The following TUSC3 variants were observed in gnomAD, a reference collection of about 807,000 sequenced individuals.
The protein encoded by TUSC3 is dolichyl-diphosphooligosaccharide--protein glycosyltransferase subunit TUSC3.
Under a neutral mutation model 44.8 loss-of-function variants are expected in TUSC3, and 45 were observed. The observed-to-expected ratio is 1.00, with a 90% CI of 0.79 to 1.29. The LOEUF (loss-of-function observed/expected upper bound fraction) is 1.29, where lower values mean the gene tolerates loss of function less well. Ranked by LOEUF, TUSC3 falls within the 50% of genes most tolerant of loss-of-function variation. TUSC3 has a pLI of 0.00. For synonymous variants in TUSC3, 212 were observed against 152.9 expected, an observed-to-expected ratio of 1.39 and a Z score of -2.85; for missense variants, 519 against 437.9, an observed-to-expected ratio of 1.19 and a Z score of -1.65.
At chr8:15,703,542 T>C (rs1809491855) in intron 6 of TUSC3, among the ~76,000 whole-genome samples, 1 of 152,134 alleles carries the variant, frequency 6.6e-6, no homozygotes, top group South Asian at 2.1e-4. Context: ...AGGTGATTTA[T>C]AAAGAAAAGA....
At chr8:15,810,494 T>C in the TUSC3 span, among the ~76,000 whole-genome samples, 18 of 151,842 alleles carry the variant, frequency 1.2e-4, 1 homozygote, top group African/African-American at 4.1e-4. Flanking sequence ...AAAACTTAGC[T>C]GGGTGTGGTG....
intron 2 of TUSC3, among the ~76,000 whole-genome samples, chr8:15,485,632 C>G (rs1057379705): frequency 1.3e-5 from 2 of 152,044 alleles, no homozygotes; most frequent in East Asian, 3.9e-4. Flanking sequence ...TCTTCTATCT[C>G]TACTCCAAAA....
chr8:15,650,932 G>C, intron 3 of TUSC3, 118 bp downstream of exon 3: 1 of 1,027,734 alleles, frequency 9.7e-7, no homozygotes, highest in Non-Finnish European at 1.5e-6. Context: ...GGAGGTTGCA[G>C]TGAGCCGAGA....
intron 1 of TUSC3, among the ~76,000 whole-genome samples, chr8:15,453,954 A>G (rs1413269421): frequency 6.6e-6 from 1 of 152,202 alleles, no homozygotes; most frequent in Admixed American, 6.5e-5. Flanking sequence ...GGGCTCAAGC[A>G]TGTACACTAA....
At chr8:15,736,823 A>C (rs1021370718) in intron 7 of TUSC3, among the ~76,000 whole-genome samples, 3 of 152,160 alleles carry the variant, frequency 2.0e-5, no homozygotes, top group African/African-American at 7.2e-5. Context: ...CGTAGACAGT[A>C]ATGTTCCCAC....
At chr8:15,627,433 C>G (rs898607242) in intron 2 of TUSC3, among the ~76,000 whole-genome samples, 6 of 152,232 alleles carry the variant, frequency 3.9e-5, no homozygotes, top group African/African-American at 1.4e-4. Context: ...TTGTGTGCTT[C>G]TTTCTTCCTG....
chr8:15,459,875 T>TATACATAC lies in TUSC3; in HGVS notation n.92-23489_92-23482dup, dbSNP rs139425502. On this transcript the variant is annotated intron_variant and non_coding_transcript_variant, in intron 1 of 5. Coordinates refer to the TUSC3 transcript ENST00000503191. ...GTGTGTATGTGTGTGTGTGTGTGTG[T>TATACATAC]ATACATACATACATACATACATACA... Among the ~76,000 whole-genome samples, 305 of 148,278 alleles carry TATACATAC rather than the reference T, an allele frequency of 2.1e-3. 1 individual carries two copies. The highest frequency in any genetic ancestry group is 4.1e-3 in the African/African-American group (159 of 38,474).
chr8:15,463,976 A>T (rs1289334268), intron 1 of TUSC3, among the ~76,000 whole-genome samples: 1 of 152,176 alleles, frequency 6.6e-6, no homozygotes, highest in Admixed American at 6.5e-5. Flanking sequence ...AGTTTTACAG[A>T]TGAAGAAACT....
At chr8:15,788,483 G>T in the TUSC3 span, among the ~76,000 whole-genome samples, 3 of 150,204 alleles carry the variant, frequency 2.0e-5, no homozygotes, top group African/African-American at 7.4e-5. Context: ...GGAGGCGGAG[G>T]TTGCAGTGAG....
intron 7 of TUSC3, among the ~76,000 whole-genome samples, chr8:15,732,783 C>T (rs533752721): frequency 4.7e-4 from 72 of 152,046 alleles, no homozygotes; most frequent in Non-Finnish European, 8.8e-4. Flanking sequence ...TGCAGGAGAA[C>T]GAAAAGATAC....
Position 15,641,556 on chromosome 8 carries a change from C to T in TUSC3, c.309-9141C>T, listed in dbSNP as rs190322383. On this transcript the variant is annotated intron_variant, in intron 2 of 10. Coordinates refer to ENST00000503731, the MANE Select transcript of TUSC3 (RefSeq NM_006765.4). ...TGAATTTTAAGCTAGATGGTGGGTA[C>T]CCCAAGGTTTGCATACTCCTTTGCC... 5.7e-4 allele frequency among the ~76,000 whole-genome samples: 86 copies of T among 152,174 alleles called. 1 individual carries two copies. The highest frequency in any genetic ancestry group is 3.4e-3 in the Middle Eastern group (1 of 294).
At chr8:15,560,987 G>A (rs952884320) in intron 1 of TUSC3, among the ~76,000 whole-genome samples, 7 of 128,052 alleles carry the variant, frequency 5.5e-5, no homozygotes, top group African/African-American at 2.1e-4. Flanking sequence ...ATCGTCTGAA[G>A]CCTTCTTCTC....
intron 5 of TUSC3, among the ~76,000 whole-genome samples, chr8:15,669,860 C>T (rs562865958): frequency 4.6e-5 from 7 of 151,518 alleles, no homozygotes; most frequent in South Asian, 2.1e-4. Flanking sequence ...ACACACATCC[C>T]GGTAAAAATA....
intron 2 of TUSC3, among the ~76,000 whole-genome samples, chr8:15,518,144 G>C (rs964519768): frequency 1.4e-4 from 21 of 151,904 alleles, no homozygotes; most frequent in Non-Finnish European, 2.2e-4. Flanking sequence ...TTTGTACTTG[G>C]CTTGTTTCAT....
At chr8:15,523,083 A>C (rs1039295026) in intron 2 of TUSC3, among the ~76,000 whole-genome samples, 2 of 152,162 alleles carry the variant, frequency 1.3e-5, no homozygotes, top group African/African-American at 4.8e-5. Flanking sequence ...AGTCATGGGT[A>C]AGTGCTACTA....
At chr8:15,797,227 G>C in the TUSC3 span, among the ~76,000 whole-genome samples, 1,031 of 152,338 alleles carry the variant, frequency 6.8e-3, 10 homozygotes, top group African/African-American at 0.023. Flanking sequence ...GAGACTGTTG[G>C]TTTGGGCCCT....
intron 5 of TUSC3, among the ~76,000 whole-genome samples, chr8:15,664,863 A>G (rs1006007600): frequency 6.6e-6 from 1 of 150,816 alleles, no homozygotes; most frequent in Non-Finnish European, 1.5e-5. Flanking sequence ...ATATGTATAT[A>G]TAAATATATA....
intron 2 of TUSC3, among the ~76,000 whole-genome samples, chr8:15,484,801 T>A (rs1800714072): frequency 6.6e-6 from 1 of 152,226 alleles, no homozygotes; most frequent in Non-Finnish European, 1.5e-5. Flanking sequence ...TTTTAAAATG[T>A]TCATCCAAAT....
At position 15,757,858 on chromosome 8, in the gene TUSC3, A is replaced by G; in HGVS notation, c.*46+3A>G. ...ACTTAAAAACTCTATAACCTCAGGC[A>G]AGTCTTTTAATCTTCTCTGAGCCTC... On this transcript the variant is annotated splice_donor_region_variant and intron_variant, in intron 10 of 10. Transcript: ENST00000503731. 7.3e-7 allele frequency: 1 copy of G among 1,373,542 alleles called. No homozygotes were observed. The highest frequency in any genetic ancestry group is 1.0e-6 in the Non-Finnish European group (1 of 960,768). The allele number at this position is 1,373,542 out of a possible 1,614,324, so 85.1% of individuals were successfully genotyped here.
Sources: gnomAD v4.1 joint callset for allele counts (sites outside exome capture counted in the v4.1 genomes callset) on GRCh38, gnomAD v4.1.1 for gene constraint, MANE v1.5 for transcripts, NCBI Gene and HGNC (gene_info 2026-07-23, HGNC 2026-07-21) for gene names.